Variants in RMST observed in about 807,000 individuals in gnomAD.
The protein encoded by RMST is long intergenic non-protein coding RNA 54.
At chr12:97,499,491 A>G (rs1196714987) in intron 10 of RMST, among the ~76,000 whole-genome samples, 1 of 152,162 alleles carries the variant, frequency 6.6e-6, no homozygotes, top group Admixed American at 6.5e-5. Context: ...TTAGAAAACC[A>G]TTTAATTTCT....
intron 13 of RMST, chr12:97,563,558 T>A (rs1000502800): frequency 3.2e-6 from 1 of 313,748 alleles, no homozygotes; most frequent in Non-Finnish European, 6.1e-6. Flanking sequence ...CCAGGAATTC[T>A]TCCCAGTGTC....
intron 10 of RMST, among the ~76,000 whole-genome samples, chr12:97,502,040 A>C (rs1244888218): frequency 6.6e-6 from 1 of 152,142 alleles, no homozygotes; most frequent in African/African-American, 2.4e-5. Flanking sequence ...CTAGATTAGA[A>C]GATCTGTTTG....
chr12:97,475,236 G>A (rs1264639272), intron 5 of RMST, among the ~76,000 whole-genome samples: 1 of 152,102 alleles, frequency 6.6e-6, no homozygotes, highest in Non-Finnish European at 1.5e-5. Context: ...CTTGGAGTTT[G>A]TGCCCTGTGA....
intron 5 of RMST, among the ~76,000 whole-genome samples, chr12:97,477,676 C>T (rs912277688): frequency 6.6e-6 from 1 of 152,138 alleles, no homozygotes; most frequent in Non-Finnish European, 1.5e-5. Context: ...TCCCAGCAAA[C>T]CTTTAAGGGA....
intron 10 of RMST, among the ~76,000 whole-genome samples, chr12:97,528,044 G>T (rs780756484): frequency 6.6e-6 from 1 of 152,044 alleles, no homozygotes; most frequent in South Asian, 2.1e-4. Context: ...TTAATATTAA[G>T]CACCTGTGAG....
At chr12:97,478,169 A>G (rs1874787198) in intron 5 of RMST, among the ~76,000 whole-genome samples, 1 of 152,208 alleles carries the variant, frequency 6.6e-6, no homozygotes, top group Non-Finnish European at 1.5e-5. Context: ...GTGTAATTCA[A>G]ATGAGCTTTT....
At chr12:97,547,238 C>T (rs941667544) in intron 11 of RMST, among the ~76,000 whole-genome samples, 9 of 149,930 alleles carry the variant, frequency 6.0e-5, no homozygotes, top group African/African-American at 2.2e-4. Context: ...GTATATATAA[C>T]ATCTACACTA....
chr12:97,530,474 G>C (rs1417424197), intron 10 of RMST: 1 of 152,070 alleles, frequency 6.6e-6, no homozygotes, highest in Non-Finnish European at 1.5e-5. Flanking sequence ...TGATAACCAG[G>C]AGTTTCAGAT....
At chr12:97,513,297 C>T (rs1189967801) in intron 10 of RMST, among the ~76,000 whole-genome samples, 2 of 152,254 alleles carry the variant, frequency 1.3e-5, no homozygotes, top group African/African-American at 4.8e-5. Context: ...ATGCTGTCAC[C>T]TCTCAGTTAC....
chr12:97,554,341 T>C (rs1051574916), intron 11 of RMST, among the ~76,000 whole-genome samples: 1 of 152,150 alleles, frequency 6.6e-6, no homozygotes, highest in African/African-American at 2.4e-5. Flanking sequence ...ATCGTATTAA[T>C]GATTATGCAG....
At chr12:97,504,402 TCAAAAAAAA>T (rs1283057044) in intron 10 of RMST, among the ~76,000 whole-genome samples, 4 of 125,232 alleles carry the variant, frequency 3.2e-5, no homozygotes, top group Non-Finnish European at 6.4e-5. Context: ...AGACTTCATT[TCAAAAAAAA>T]AAAAAAAAAA....
chr12:97,526,929 G>A (rs1881171236), intron 10 of RMST, among the ~76,000 whole-genome samples: 1 of 152,110 alleles, frequency 6.6e-6, no homozygotes, highest in African/African-American at 2.4e-5. Context: ...AGCACCATGA[G>A]ATGTTGTTGT....
intron 10 of RMST, among the ~76,000 whole-genome samples, chr12:97,513,091 C>A (rs1026527802): frequency 6.6e-6 from 1 of 152,212 alleles, no homozygotes; most frequent in African/African-American, 2.4e-5. Flanking sequence ...AAGCACCGCG[C>A]GCAGCCCGGG....
intron 11 of RMST, chr12:97,533,624 T>C (rs1159585490): frequency 1.3e-5 from 2 of 151,868 alleles, no homozygotes; most frequent in African/African-American, 4.8e-5. Flanking sequence ...AAAAACTGTT[T>C]CCATTTTTCA....
At chr12:97,542,934 A>G (rs1324448399) in intron 11 of RMST, among the ~76,000 whole-genome samples, 2 of 151,934 alleles carry the variant, frequency 1.3e-5, no homozygotes, top group African/African-American at 4.8e-5. Flanking sequence ...TAATGAAGTT[A>G]CCACAGTGTT....
intron 10 of RMST, among the ~76,000 whole-genome samples, chr12:97,502,878 T>A (rs1056574458): frequency 1.3e-5 from 2 of 152,312 alleles, no homozygotes; most frequent in East Asian, 1.9e-4. Context: ...GTAGTAATAG[T>A]AAACACTTAT....
At chr12:97,539,358 C>A (rs1423267817) in intron 11 of RMST, among the ~76,000 whole-genome samples, 1 of 151,472 alleles carries the variant, frequency 6.6e-6, no homozygotes, top group Non-Finnish European at 1.5e-5. Flanking sequence ...TGTTACAGAA[C>A]CAAAGTGTAT....
intron 10 of RMST, among the ~76,000 whole-genome samples, chr12:97,509,156 C>A (rs1879013602): frequency 6.6e-6 from 1 of 152,138 alleles, no homozygotes; most frequent in African/African-American, 2.4e-5. Context: ...TTCTCCCTTG[C>A]ATTCTAGTTA....
At chr12:97,546,446 G>A (rs1214883304) in intron 11 of RMST, among the ~76,000 whole-genome samples, 1 of 151,982 alleles carries the variant, frequency 6.6e-6, no homozygotes, top group African/African-American at 2.4e-5. Context: ...GCCAGGCATG[G>A]TAGCACACAC....
Sources: allele counts gnomAD v4.1 joint callset (sites outside exome capture counted in the v4.1 genomes callset), GRCh38; gene constraint gnomAD v4.1.1; transcripts MANE v1.5; gene names NCBI Gene and HGNC (gene_info 2026-07-23, HGNC 2026-07-21).